The following ST6GALNAC5 variants were observed in gnomAD, a reference collection of about 807,000 sequenced individuals.
ST6GALNAC5 encodes the protein ST6 N-acetylgalactosaminide alpha-2,6-sialyltransferase 5, also known as alpha-N-acetylgalactosaminide alpha-2,6-sialyltransferase 5.
In ST6GALNAC5, 27 loss-of-function variants were observed where a neutral mutation model predicts 33.6. The ratio of observed to expected loss-of-function variants is 0.80; its 90% CI spans 0.59 to 1.11. The LOEUF is 1.11. Ranked by LOEUF, ST6GALNAC5 falls within the 50% of genes least tolerant of loss-of-function variation. ST6GALNAC5 has a pLI of 0.00. For synonymous variants in ST6GALNAC5, 194 were observed against 171.2 expected, an observed-to-expected ratio of 1.13 and a Z score of -1.04; for missense variants, 428 against 454.0, an observed-to-expected ratio of 0.94 and a Z score of 0.52.
chr1:77,027,840 T>G (rs148722268), intron 2 of ST6GALNAC5, among the ~76,000 whole-genome samples: 10 of 152,356 alleles, frequency 6.6e-5, no homozygotes, highest in African/African-American at 2.4e-4. Context: ...TATCATTTAA[T>G]GAGTGGGGGA....
In ST6GALNAC5 at chr1:77,024,694, C is replaced by A. The variant is rs1248876196; in HGVS notation, c.262-19510C>A. Reference sequence around the variant, plus strand: ...ATATGTGAGACCCAGAAGCTCCCTGCAGAGAACAAAGGGGCAGTGTGGACT... The same window carrying A: ...ATATGTGAGACCCAGAAGCTCCCTGAAGAGAACAAAGGGGCAGTGTGGACT... On this transcript the variant is annotated intron_variant, in intron 2 of 4. Coordinates refer to ENST00000477717, the MANE Select transcript of ST6GALNAC5 (RefSeq NM_030965.3). Among the ~76,000 whole-genome samples the A allele has an allele frequency of 2.6e-5, 4 of 152,194 alleles. No homozygotes were observed. In the East Asian group the frequency reaches 5.8e-4, roughly 22 times the overall value.
intron 2 of ST6GALNAC5, among the ~76,000 whole-genome samples, chr1:76,968,392 C>T (rs1279186643): frequency 6.6e-6 from 1 of 152,118 alleles, no homozygotes; most frequent in Non-Finnish European, 1.5e-5. Flanking sequence ...TTATCAGAGA[C>T]TAGGATTGCA....
chr1:77,062,495 T>G lies in ST6GALNAC5; in HGVS notation c.780-480T>G, dbSNP rs1557779230. ...CAGTATGGTGGGAACATACTGGGAA[T>G]CCACAAGGCTGGGTGGATTAGGAGA... On this transcript the variant is annotated intron_variant, in intron 4 of 4. Coordinates refer to ENST00000477717, the MANE Select transcript of ST6GALNAC5 (RefSeq NM_030965.3). Among the ~76,000 whole-genome samples, 3 of 152,066 alleles carry G rather than the reference T, an allele frequency of 2.0e-5. No homozygotes were observed. In the South Asian group the frequency reaches 6.2e-4, roughly 32 times the overall value.
chr1:76,956,717 C>G (rs960206217), intron 2 of ST6GALNAC5, among the ~76,000 whole-genome samples: 2 of 152,156 alleles, frequency 1.3e-5, no homozygotes, highest in African/African-American at 4.8e-5. Flanking sequence ...TGAAGGCCAG[C>G]TGTATTTCCA....
chr1:76,964,752 T>TC (rs1411487637), intron 2 of ST6GALNAC5, among the ~76,000 whole-genome samples: 1 of 152,004 alleles, frequency 6.6e-6, no homozygotes, highest in East Asian at 1.9e-4. Flanking sequence ...ATGCTATCCC[T>TC]CCCCCTGACC....
chr1:76,903,473 G>A (rs1309668839), intron 2 of ST6GALNAC5, among the ~76,000 whole-genome samples: 1 of 152,148 alleles, frequency 6.6e-6, no homozygotes, highest in African/African-American at 2.4e-5. Context: ...AAAATGGACT[G>A]GCAGTTCCTC....
intron 2 of ST6GALNAC5, among the ~76,000 whole-genome samples, chr1:76,884,520 C>T (rs756996520): frequency 4.6e-5 from 7 of 152,036 alleles, no homozygotes; most frequent in South Asian, 2.1e-4. Flanking sequence ...GTAAAAGTGC[C>T]GCAGGAAAAG....
Position 77,044,329 on chromosome 1 carries a change from C to A in ST6GALNAC5, c.387C>A (p.Arg129=). 8 of 1,614,006 alleles carry A rather than the reference C, an allele frequency of 5.0e-6. No homozygotes were observed. Among genetic ancestry groups the A allele is most frequent in the Non-Finnish European group, 6.8e-6 (8 of 1,180,044 alleles). The change falls in exon 3 of 5, where the codon CGC becomes CGA. Residue 129 remains arginine (R), a synonymous_variant. Coordinates refer to ENST00000477717, the MANE Select transcript of ST6GALNAC5 (RefSeq NM_030965.3). ...CVIRMNDAPT[R]GYGRDVGNRT... ...TCCGCATGAATGACGCCCCCACACG[C>A]GGCTATGGGCGTGACGTGGGCAATC...
chr1:76,892,719 A>C (rs550669722), intron 2 of ST6GALNAC5, among the ~76,000 whole-genome samples: 20 of 152,244 alleles, frequency 1.3e-4, no homozygotes, highest in Non-Finnish European at 2.8e-4. Context: ...AAAGAAGAAA[A>C]GTAATCAACT....
chr1:77,004,065 T>G (rs1365803466), intron 2 of ST6GALNAC5, among the ~76,000 whole-genome samples: 3 of 144,590 alleles, frequency 2.1e-5, no homozygotes, highest in Admixed American at 7.0e-5. Flanking sequence ...GAAGTTCTCC[T>G]GGATAATATC....
At chr1:76,907,450 C>T (rs1243423650) in intron 2 of ST6GALNAC5, among the ~76,000 whole-genome samples, 1 of 152,140 alleles carries the variant, frequency 6.6e-6, no homozygotes, top group Non-Finnish European at 1.5e-5. Flanking sequence ...ACCACCAAGT[C>T]CAAGACAAGG....
At chr1:76,958,714 G>A (rs1410033058) in intron 2 of ST6GALNAC5, among the ~76,000 whole-genome samples, 1 of 151,916 alleles carries the variant, frequency 6.6e-6, no homozygotes, top group Non-Finnish European at 1.5e-5. Flanking sequence ...TCATGATCAT[G>A]GTATCTCCCC....
Position 77,050,276 on chromosome 1 carries a change from G to C in ST6GALNAC5, c.690G>C (p.Trp230Cys), listed in dbSNP as rs748048764. The change falls in exon 4 of 5, where the codon TGG becomes TGC. Residue 230 changes from tryptophan (W) to cysteine (C), a missense_variant. Coordinates refer to ENST00000477717, the MANE Select transcript of ST6GALNAC5 (RefSeq NM_030965.3). The part of the protein sequence containing the change: ...TGKDRKISNT[W>C]LSTGWFTMTI... ...CTTCCAGGAAGATATCCAACACTTGGCTCAGCACTGGCTGGTTTACAATGA... is the reference window on the plus strand; with the variant it reads ...CTTCCAGGAAGATATCCAACACTTGCCTCAGCACTGGCTGGTTTACAATGA... The C allele has an allele frequency of 6.2e-7, 1 of 1,613,972 alleles. No homozygotes were observed. The highest frequency in any genetic ancestry group is 8.5e-7 in the Non-Finnish European group (1 of 1,179,868).
In ST6GALNAC5 at chr1:76,880,998, A is replaced by G. The variant is rs567829275; in HGVS notation, c.261+12256A>G. 9.8e-5 allele frequency among the ~76,000 whole-genome samples: 15 copies of G among 152,310 alleles called. No individual in the cohort carries two copies. The South Asian group carries it at 2.7e-3, about 27-fold the overall frequency. ...GATTATGGAAGATTAAATGTGTGAA[A>G]GGACTTTGAAAAATTAAAACATATC... On this transcript the variant is annotated intron_variant, in intron 2 of 4. Coordinates refer to ENST00000477717, the MANE Select transcript of ST6GALNAC5 (RefSeq NM_030965.3).
chr1:77,062,823 C>A, intron 4 of ST6GALNAC5, 152 bp from the exon 5 acceptor site: 1 of 612,338 alleles, frequency 1.6e-6, no homozygotes, highest in East Asian at 2.8e-5. Flanking sequence ...TCTCCACTTC[C>A]TTATTGTGTA....
At chr1:76,968,212 AG>A (rs1301561125) in intron 2 of ST6GALNAC5, among the ~76,000 whole-genome samples, 1 of 152,082 alleles carries the variant, frequency 6.6e-6, no homozygotes. Context: ...ATTCTGCGGG[AG>A]TCTAAGTCCC....
chr1:77,050,406 T>C (rs1652182624), intron 4 of ST6GALNAC5, 41 bp downstream of exon 4: 2 of 1,570,130 alleles, frequency 1.3e-6, no homozygotes, highest in South Asian at 1.1e-5. Flanking sequence ...AGCCGTGTTG[T>C]GCAGGATTTA....
At chr1:77,053,744 T>A (rs920407967) in intron 4 of ST6GALNAC5, among the ~76,000 whole-genome samples, 1 of 152,222 alleles carries the variant, frequency 6.6e-6, no homozygotes, top group East Asian at 1.9e-4. Context: ...TCTCAGGGCC[T>A]GTTCAGTACA....
intron 2 of ST6GALNAC5, among the ~76,000 whole-genome samples, chr1:76,885,243 G>A (rs1653866901): frequency 6.6e-6 from 1 of 151,984 alleles, no homozygotes; most frequent in Non-Finnish European, 1.5e-5. Context: ...ATGTCGAAAA[G>A]AAATAAGGAA....
Sources: allele counts gnomAD v4.1 joint callset (sites outside exome capture counted in the v4.1 genomes callset), GRCh38; gene constraint gnomAD v4.1.1; transcripts MANE v1.5; gene names NCBI Gene and HGNC (gene_info 2026-07-23, HGNC 2026-07-21).